MYOM2: variants seen among roughly 807,000 people sequenced by gnomAD.
MYOM2 encodes the protein myomesin-2.
Under a neutral mutation model 187.6 loss-of-function variants are expected in MYOM2, and 254 were observed. That is an observed-to-expected ratio of 1.35 (90% CI 1.22 to 1.50). The LOEUF (loss-of-function observed/expected upper bound fraction) is 1.50, where lower values mean the gene tolerates loss of function less well. MYOM2 is among the 40% of genes most tolerant of loss of function. The pLI is 0.00. For missense variants in MYOM2, 2,796 were observed against 1,924.0 expected, an observed-to-expected ratio of 1.45 and a Z score of -8.48; for synonymous variants, 981 against 753.8, an observed-to-expected ratio of 1.30 and a Z score of -4.94.
chr8:2,094,223 T>G, intron 17 of MYOM2, 132 bp downstream of exon 17: 2 of 1,183,984 alleles, frequency 1.7e-6, no homozygotes, highest in African/African-American at 3.1e-5. Flanking sequence ...ACAGAGAACT[T>G]GAGTTTCTTT....
At chr8:2,056,128 A>G (rs539732313) in intron 3 of MYOM2, among the ~76,000 whole-genome samples, 173 of 152,328 alleles carry the variant, frequency 1.1e-3, no homozygotes, top group Middle Eastern at 3.4e-3. Context: ...TGGGAAGGAT[A>G]AAATGTATGC....
intron 24 of MYOM2, among the ~76,000 whole-genome samples, 195 bp downstream of exon 24, chr8:2,109,025 C>T (rs2083441): frequency 0.051 from 7,760 of 152,164 alleles, 289 homozygotes; most frequent in East Asian, 0.18. Flanking sequence ...ACTTGCATTG[C>T]GTACACAGTG....
chr8:2,124,222 G>A lies in MYOM2; in HGVS notation c.3694+5G>A, dbSNP rs1169193120. 1.9e-6 allele frequency: 3 copies of A among 1,611,114 alleles called. No individual in the cohort carries two copies. Among genetic ancestry groups the A allele is most frequent in the East Asian group, 2.2e-5 (1 of 44,854 alleles). On this transcript the variant is annotated splice_donor_5th_base_variant and intron_variant, in intron 31 of 36. Transcript: ENST00000262113. ...TGGCAATGAGTAGAGTCTGTGGTAA[G>A]TAAATGCCTTTTAATTTTCAAGTCA... is the stretch of plus-strand genomic sequence containing the variant.
intron 13 of MYOM2, among the ~76,000 whole-genome samples, chr8:2,082,723 T>C (rs888328735): frequency 3.3e-5 from 5 of 152,244 alleles, no homozygotes; most frequent in African/African-American, 4.8e-5. Flanking sequence ...ACTGTTCTAC[T>C]GTGTTATTCT....
rs189504643 is a variant in MYOM2 at position 2,057,859 on chromosome 8, C to T, written c.560+79C>T. The stretch of plus-strand genomic sequence containing the variant: ...GAAAGACCCCAGTTAAGGAGACAAA[C>T]GCCATTGAACCTGTGCTGGAGGCCA... On this transcript the variant is annotated intron_variant, in intron 5 of 36. Transcript: ENST00000262113. 7.2e-5 allele frequency: 108 copies of T among 1,500,204 alleles called. No individual in the cohort carries two copies. In the African/African-American group the frequency reaches 1.1e-3, roughly 15 times the overall value. The allele number at this position is 1,500,204 out of a possible 1,614,324, so 92.9% of individuals were successfully genotyped here.
At chr8:2,097,533 G>C (rs975061794) in intron 18 of MYOM2, among the ~76,000 whole-genome samples, 2 of 152,056 alleles carry the variant, frequency 1.3e-5, no homozygotes, top group Non-Finnish European at 2.9e-5. Flanking sequence ...TTTAGTTTTC[G>C]AGACAGAGTC....
In MYOM2 at chr8:2,094,191, G is replaced by C. The variant is rs1796403838; in HGVS notation, c.2125+100G>C. On this transcript the variant is annotated intron_variant, in intron 17 of 36. Coordinates refer to ENST00000262113, the MANE Select transcript of MYOM2 (RefSeq NM_003970.4). ...TGCCATTTGGAATGTCATTGAAGGGGAAAAGGGGACTAAATTCCTGAACAG... is the reference window on the plus strand; with the variant it reads ...TGCCATTTGGAATGTCATTGAAGGGCAAAAGGGGACTAAATTCCTGAACAG... 4.1e-6 allele frequency: 6 copies of C among 1,446,428 alleles called. No individual in the cohort carries two copies. In the South Asian group the frequency reaches 8.2e-5, roughly 20 times the overall value. 89.6% of individuals were successfully genotyped at this position (1,446,428 alleles called of 1,614,324 possible).
intron 11 of MYOM2, 163 bp downstream of exon 11, chr8:2,076,445 G>A (rs771908545): frequency 3.9e-5 from 35 of 900,034 alleles, no homozygotes; most frequent in African/African-American, 1.7e-4. Flanking sequence ...TAGGTAATTG[G>A]TAAATACGGC....
At chr8:2,085,465 A>G (rs775719869) in intron 14 of MYOM2, 75 bp downstream of exon 14, 4 of 1,441,008 alleles carry the variant, frequency 2.8e-6, no homozygotes, top group African/African-American at 1.7e-5. Context: ...TGCGTGGCCC[A>G]CCGCTGTCGT....
rs75940129 is a variant in MYOM2, at chr8:2,091,180, G to T, written c.1828+989G>T. On this transcript the variant is annotated intron_variant, in intron 15 of 36. Transcript: ENST00000262113. Reference sequence around the variant, plus strand: ...TTTAAGTGCACTAGACTTTTTTGTTGTTGTCTTTTTTTAATTAATGCTTTT... The same window carrying T: ...TTTAAGTGCACTAGACTTTTTTGTTTTTGTCTTTTTTTAATTAATGCTTTT... Among the ~76,000 whole-genome samples, 262 of 151,834 alleles carry T rather than the reference G, an allele frequency of 1.7e-3. 3 individuals carry two copies. In the East Asian group the frequency reaches 0.042, roughly 24 times the overall value.
At chr8:2,108,282 T>C (rs1357721192) in intron 23 of MYOM2, among the ~76,000 whole-genome samples, 1 of 150,776 alleles carries the variant, frequency 6.6e-6, no homozygotes, top group Non-Finnish European at 1.5e-5. Flanking sequence ...GTTATTTTCT[T>C]CTTTCCTTTT....
At chr8:2,087,038 G>GATA (rs1409430113) in intron 14 of MYOM2, among the ~76,000 whole-genome samples, 1 of 151,994 alleles carries the variant, frequency 6.6e-6, no homozygotes, top group African/African-American at 2.4e-5. Flanking sequence ...TTTCACAAAT[G>GATA]ATAATCTCAC....
intron 25 of MYOM2, among the ~76,000 whole-genome samples, chr8:2,111,744 C>A (rs1422060978): frequency 1.3e-5 from 2 of 152,150 alleles, no homozygotes; most frequent in Non-Finnish European, 2.9e-5. Flanking sequence ...GCAGTTGAGC[C>A]ATTTCTTAAA....
intron 36 of MYOM2, 47 bp from the exon 37 acceptor site, chr8:2,144,617 T>G: frequency 6.3e-7 from 1 of 1,597,232 alleles, no homozygotes; most frequent in South Asian, 1.1e-5. Context: ...TGACATGACT[T>G]TCCTTTTTCT....
intron 11 of MYOM2, 25 bp from the exon 12 acceptor site, chr8:2,078,706 CTGT>C (rs749310923): frequency 1.2e-6 from 2 of 1,610,308 alleles, no homozygotes; most frequent in South Asian, 1.1e-5. Context: ...TTGCTATTCT[CTGT>C]TGTTTTTCTT....
At chr8:2,076,087 A>G (rs1585858908) in intron 10 of MYOM2, 54 bp from the exon 11 acceptor site, 2 of 1,554,458 alleles carry the variant, frequency 1.3e-6, no homozygotes, top group Admixed American at 1.9e-5. Flanking sequence ...CAGGCTTTGC[A>G]GTGACCCCAG....
Position 2,086,187 on chromosome 8 carries a change from T to TTGTGATCTCTGCGTGGCCCCC in MYOM2, c.1644+797_1644+798insTGTGATCTCTGCGTGGCCCCC, listed in dbSNP as rs1796030360. Among the ~76,000 whole-genome samples the TTGTGATCTCTGCGTGGCCCCC allele has an allele frequency of 1.6e-4, 6 of 38,420 alleles. 2 individuals carry two copies. Among genetic ancestry groups the TTGTGATCTCTGCGTGGCCCCC allele is most frequent in the Non-Finnish European group, 2.3e-4 (4 of 17,284 alleles). The allele number at this position is 38,420 out of a possible 152,430, so 25.2% of individuals were successfully genotyped here. A position where few individuals can be genotyped will look rare whatever the true frequency, so the allele number is the denominator to read the frequency against. On this transcript the variant is annotated intron_variant, in intron 14 of 36. Transcript: ENST00000262113. The stretch of plus-strand genomic sequence containing the variant: ...TTGTGATCTCTGCGTGGCCCCACTG[T>TTGTGATCTCTGCGTGGCCCCC]CATGATCTCTGCGTGGCCCCACTGT...
At position 2,096,255 on chromosome 8, in the gene MYOM2, T is replaced by A. The variant is rs1230508492; in HGVS notation, c.2134T>A (p.Ser712Thr). Residue 712 changes from serine (S) to threonine (T), a missense_variant, in exon 18 of 37, where the codon TCC becomes ACC. By Grantham distance (58) the Ser-to-Thr change is moderately conservative. Coordinates refer to ENST00000262113, the MANE Select transcript of MYOM2 (RefSeq NM_003970.4). The part of the protein sequence containing the change: ...IKVQAALTVP[S>T]HPYGITLLNC... ...GTTGTGCTTCCTTGCAGCCGTCCCGTCCCATCCTTATGGGATTACGCTCCT... is the reference window on the plus strand; with the variant it reads ...GTTGTGCTTCCTTGCAGCCGTCCCGACCCATCCTTATGGGATTACGCTCCT... 6.2e-7 allele frequency: 1 copy of A among 1,613,878 alleles called. No individual in the cohort carries two copies. The highest frequency in any genetic ancestry group is 1.1e-5 in the South Asian group (1 of 91,024).
intron 34 of MYOM2, 41 bp from the exon 35 acceptor site, chr8:2,142,334 T>C (rs1336260696): frequency 6.2e-7 from 1 of 1,603,420 alleles, no homozygotes; most frequent in East Asian, 2.2e-5. Flanking sequence ...TTTCTCATAC[T>C]CTCTTTTCAT....
Sources: allele counts gnomAD v4.1 joint callset (sites outside exome capture counted in the v4.1 genomes callset), GRCh38; gene constraint gnomAD v4.1.1; transcripts MANE v1.5; gene names NCBI Gene and HGNC (gene_info 2026-07-23, HGNC 2026-07-21).